Variants in COLEC10 observed in about 807,000 individuals in gnomAD.
COLEC10 encodes the protein collectin subfamily member 10, also known as collectin-10.
In COLEC10, 22 loss-of-function variants were observed where a neutral mutation model predicts 28.4. The ratio of observed to expected loss-of-function variants is 0.78; its 90% CI spans 0.55 to 1.11. The LOEUF (loss-of-function observed/expected upper bound fraction) is 1.11. Ranked by LOEUF, COLEC10 falls within the 50% of genes least tolerant of loss-of-function variation. The probability of loss-of-function intolerance (pLI) is 0.00; values close to 1 mark genes in which losing one functional copy is unlikely to be tolerated. For missense variants in COLEC10, 361 were observed against 344.1 expected (o/e 1.05, Z -0.39); for synonymous variants, 125 against 116.1 (o/e 1.08, Z -0.49).
At chr8:119,064,155 C>T (rs546196416), upstream of COLEC10, among the ~76,000 whole-genome samples, 2 of 152,206 alleles carry the variant, frequency 1.3e-5, no homozygotes, top group South Asian at 4.2e-4. Context: ...ATAATTTAAC[C>T]ACTTTATGTA....
intron 2 of COLEC10, among the ~76,000 whole-genome samples, chr8:119,048,479 C>T (rs571671192): frequency 8.1e-4 from 123 of 152,262 alleles, no homozygotes; most frequent in Non-Finnish European, 1.5e-3. Flanking sequence ...TTGTCTAAGT[C>T]TTTTTATAGG....
chr8:119,041,999 T>G (rs753285169), intron 2 of COLEC10, among the ~76,000 whole-genome samples: 177 of 151,394 alleles, frequency 1.2e-3, no homozygotes, highest in Non-Finnish European at 2.3e-3. Context: ...TTGTTTTTGG[T>G]TTTTTTTGGT....
chr8:119,086,391 G>GT (rs1815482504), intron 1 of COLEC10, among the ~76,000 whole-genome samples: 1 of 152,104 alleles, frequency 6.6e-6, no homozygotes, highest in Non-Finnish European at 1.5e-5. Flanking sequence ...CGGGGAGGTG[G>GT]GGGGGGTCCC....
intron 1 of COLEC10, among the ~76,000 whole-genome samples, chr8:119,008,420 A>G (rs1160874577): frequency 6.6e-6 from 1 of 150,898 alleles, no homozygotes; most frequent in African/African-American, 2.5e-5. Context: ...GTGATACTAT[A>G]GAGCCAGAGA....
At chr8:119,077,875 G>A (rs1815283555) in intron 1 of COLEC10, among the ~76,000 whole-genome samples, 1 of 152,172 alleles carries the variant, frequency 6.6e-6, no homozygotes, top group Non-Finnish European at 1.5e-5. Flanking sequence ...CCTTAAACTG[G>A]GTAGTTTATA....
rs925262129 is a variant in COLEC10 at position 119,106,339 on chromosome 8, G to C, written c.*148G>C. The C allele has an allele frequency of 6.8e-6, 5 of 733,380 alleles. No homozygotes were observed. Among genetic ancestry groups the C allele is most frequent in the Non-Finnish European group, 1.1e-5 (5 of 456,068 alleles). The allele number at this position is 733,380 out of a possible 1,614,324, so 45.4% of individuals were successfully genotyped here. A position where few individuals can be genotyped will look rare whatever the true frequency, so the allele number is the denominator to read the frequency against. On this transcript the variant is annotated 3_prime_UTR_variant, in exon 6 of 6. Coordinates refer to ENST00000332843, the MANE Select transcript of COLEC10 (RefSeq NM_006438.5). ...TGAGGTATGGAGCCTCCATCATCAT[G>C]CTCTTTTGTGATGATTTTCATATTT...
At chr8:119,054,280 A>G (rs1003141469) in intron 2 of COLEC10, among the ~76,000 whole-genome samples, 1 of 152,146 alleles carries the variant, frequency 6.6e-6, no homozygotes, top group South Asian at 2.1e-4. Context: ...ATATTTTCAG[A>G]CTACTGTTGA....
chr8:118,963,474 C>T, the COLEC10 span, among the ~76,000 whole-genome samples: 3,357 of 152,270 alleles, frequency 0.022, 117 homozygotes, highest in African/African-American at 0.075. Flanking sequence ...GGAGCTCTCT[C>T]GACACAACCT....
chr8:118,957,131 C>T, the COLEC10 span, among the ~76,000 whole-genome samples: 1 of 152,156 alleles, frequency 6.6e-6, no homozygotes. Context: ...AAGTATGTCT[C>T]AGCACCAAAA....
intron 5 of COLEC10, among the ~76,000 whole-genome samples, chr8:119,104,995 T>C (rs16892035): frequency 0.042 from 6,418 of 152,230 alleles, 235 homozygotes; most frequent in East Asian, 0.19. Context: ...AGTTCTGTCC[T>C]GAAGCTAACT....
chr8:118,995,469 C>G (rs2220189), exon 1 of COLEC10: 99,278 of 152,066 alleles, frequency 0.65, 33,787 homozygotes, highest in African/African-American at 0.85. Flanking sequence ...GAGAATATTG[C>G]GGCAGGAACA....
chr8:118,995,162 A>G (rs1813568808), upstream of COLEC10, among the ~76,000 whole-genome samples: 1 of 152,214 alleles, frequency 6.6e-6, no homozygotes, highest in Non-Finnish European at 1.5e-5. Context: ...TTGATAAAGT[A>G]TATTTCTTTC....
chr8:119,045,692 G>T (rs983833187), intron 2 of COLEC10, among the ~76,000 whole-genome samples: 6 of 152,106 alleles, frequency 3.9e-5, no homozygotes, highest in Admixed American at 1.3e-4. Context: ...TTAAAATTAG[G>T]CTTCTATAAA....
chr8:119,018,537 C>T (rs1004212087), intron 2 of COLEC10, among the ~76,000 whole-genome samples: 3 of 152,168 alleles, frequency 2.0e-5, no homozygotes, highest in Non-Finnish European at 4.4e-5. Context: ...ACAAAATAAA[C>T]TGATGCCTGC....
At chr8:118,997,274 G>T (rs1813605333) in intron 1 of COLEC10, among the ~76,000 whole-genome samples, 1 of 152,058 alleles carries the variant, frequency 6.6e-6, no homozygotes, top group Non-Finnish European at 1.5e-5. Flanking sequence ...TCACTCTGTT[G>T]ATTGTTTCGT....
intron 2 of COLEC10, among the ~76,000 whole-genome samples, chr8:119,030,370 A>G (rs968558508): frequency 6.6e-6 from 1 of 152,170 alleles, no homozygotes; most frequent in African/African-American, 2.4e-5. Flanking sequence ...ACAGTATAAA[A>G]GTGTGTTGGT....
intron 1 of COLEC10, among the ~76,000 whole-genome samples, chr8:119,072,796 T>C (rs916835148): frequency 6.6e-6 from 1 of 152,218 alleles, no homozygotes; most frequent in African/African-American, 2.4e-5. Flanking sequence ...AGAGAGGCTA[T>C]GCCATGAGTA....
chr8:119,030,132 A>G (rs1814261550), intron 2 of COLEC10, among the ~76,000 whole-genome samples: 1 of 152,182 alleles, frequency 6.6e-6, no homozygotes. Context: ...AAGGTGTAAA[A>G]GAGTAAAGCC....
the COLEC10 span, among the ~76,000 whole-genome samples, chr8:118,979,250 T>C: frequency 6.6e-5 from 10 of 152,050 alleles, no homozygotes; most frequent in Non-Finnish European, 1.2e-4. Flanking sequence ...GCTCCACCAC[T>C]TAGAACTGTC....
Sources: allele counts gnomAD v4.1 joint callset (sites outside exome capture counted in the v4.1 genomes callset), GRCh38; gene constraint gnomAD v4.1.1; transcripts MANE v1.5; gene names NCBI Gene and HGNC (gene_info 2026-07-23, HGNC 2026-07-21).